Variants in IKZF3 observed in about 807,000 individuals in gnomAD.
IKZF3 encodes zinc finger protein Aiolos.
In IKZF3, 10 loss-of-function variants were observed where a neutral mutation model predicts 49.0. The ratio of observed to expected loss-of-function variants is 0.20; its 90% CI spans 0.13 to 0.35. IKZF3 has a LOEUF of 0.35. Among genes scored for constraint, IKZF3 ranks in the 10% least tolerant of loss-of-function variants. The pLI is 1.00. For synonymous variants in IKZF3, 209 were observed against 228.2 expected (o/e 0.92, Z 0.76); for missense variants, 498 against 664.8 (o/e 0.75, Z 2.76).
intron 3 of IKZF3, among the ~76,000 whole-genome samples, chr17:39,793,981 A>C (rs1209038687): frequency 6.6e-6 from 1 of 152,254 alleles, no homozygotes; most frequent in Non-Finnish European, 1.5e-5. Flanking sequence ...TTGCATATAT[A>C]AAATATGCTA....
intron 4 of IKZF3, 52 bp from the exon 5 acceptor site, chr17:39,791,635 A>T: frequency 6.4e-7 from 1 of 1,561,764 alleles, no homozygotes; most frequent in South Asian, 1.1e-5. Context: ...GTGGAGAAAC[A>T]TATGCACAGA....
chr17:39,836,120 C>A, intron 1 of IKZF3: 1 of 657,922 alleles, frequency 1.5e-6, no homozygotes, highest in South Asian at 1.6e-5. Context: ...TTAATCTGCT[C>A]CTTCTCCTGA....
At chr17:39,825,536 ATGGTCTCTGGTTGAC>A (rs2061933666) in intron 3 of IKZF3, among the ~76,000 whole-genome samples, 1 of 152,110 alleles carries the variant, frequency 6.6e-6, no homozygotes, top group African/African-American at 2.4e-5. Context: ...AAGCATAGAG[ATGGTCTCTGGTTGAC>A]TGGTATCTGG....
At chr17:39,807,400 TC>T (rs765178458) in intron 3 of IKZF3, among the ~76,000 whole-genome samples, 1 of 149,736 alleles carries the variant, frequency 6.7e-6, no homozygotes, top group Non-Finnish European at 1.5e-5. Flanking sequence ...ACAATGATAT[TC>T]TTTTTTTTTT....
At chr17:39,778,074 T>C (rs866674679) in intron 6 of IKZF3, 61 of 1,033,564 alleles carry the variant, frequency 5.9e-5, no homozygotes, top group Middle Eastern at 9.0e-4. Context: ...AAAAGATAGA[T>C]AGATGGAGAT....
chr17:39,774,198 AG>A (rs1251083354), intron 7 of IKZF3, among the ~76,000 whole-genome samples: 1 of 152,056 alleles, frequency 6.6e-6, no homozygotes, highest in African/African-American at 2.4e-5. Context: ...ACAGTTCAAG[AG>A]GTCAGGGAAG....
intron 1 of IKZF3, among the ~76,000 whole-genome samples, chr17:39,841,053 T>C (rs1279064425): frequency 6.6e-6 from 1 of 152,102 alleles, no homozygotes; most frequent in Non-Finnish European, 1.5e-5. Flanking sequence ...GGCATGAGCC[T>C]GTAGTCCCAG....
chr17:39,841,710 G>A (rs1273687935), intron 1 of IKZF3, among the ~76,000 whole-genome samples: 1 of 152,096 alleles, frequency 6.6e-6, no homozygotes, highest in Non-Finnish European at 1.5e-5. Context: ...GTCCTGTATT[G>A]GAAGTGGATG....
intron 3 of IKZF3, among the ~76,000 whole-genome samples, chr17:39,825,738 C>G (rs2061939384): frequency 6.6e-6 from 1 of 152,034 alleles, no homozygotes; most frequent in Non-Finnish European, 1.5e-5. Context: ...TGAAATTGCT[C>G]TTATGATTGA....
intron 1 of IKZF3, among the ~76,000 whole-genome samples, chr17:39,844,496 C>T (rs2062571069): frequency 6.6e-6 from 1 of 152,190 alleles, no homozygotes; most frequent in Admixed American, 6.5e-5. Context: ...CCTATTCAAA[C>T]AAGGTTTACC....
intron 3 of IKZF3, among the ~76,000 whole-genome samples, chr17:39,818,726 C>A (rs2061734330): frequency 6.6e-6 from 1 of 151,988 alleles, no homozygotes; most frequent in Non-Finnish European, 1.5e-5. Flanking sequence ...GGCATGATGG[C>A]ACATGCCTGT....
intron 3 of IKZF3, among the ~76,000 whole-genome samples, chr17:39,813,970 A>G (rs546793127): frequency 7.2e-5 from 11 of 152,302 alleles, no homozygotes; most frequent in Admixed American, 7.2e-4. Context: ...CGCTCCAGCC[A>G]CCCTTCTTCA....
intron 3 of IKZF3, among the ~76,000 whole-genome samples, chr17:39,803,248 T>C (rs1598057037): frequency 6.6e-6 from 1 of 152,226 alleles, no homozygotes; most frequent in Admixed American, 6.5e-5. Flanking sequence ...GTATATTGTT[T>C]CATTTCTGCC....
intron 2 of IKZF3, among the ~76,000 whole-genome samples, chr17:39,831,678 A>C (rs899075036): frequency 2.6e-5 from 4 of 152,232 alleles, no homozygotes; most frequent in Admixed American, 2.6e-4. Flanking sequence ...ACAAAAAATA[A>C]TACGTGACAG....
chr17:39,862,148 T>C (rs2063230426), intron 1 of IKZF3, among the ~76,000 whole-genome samples: 1 of 152,192 alleles, frequency 6.6e-6, no homozygotes, highest in African/African-American at 2.4e-5. Flanking sequence ...CTGATTTTAG[T>C]ATATTCATTA....
intron 3 of IKZF3, among the ~76,000 whole-genome samples, chr17:39,801,082 G>A (rs1452961013): frequency 2.0e-5 from 3 of 152,162 alleles, no homozygotes; most frequent in Admixed American, 2.0e-4. Context: ...AAAGTTGGAA[G>A]TAATATCCTC....
intron 3 of IKZF3, among the ~76,000 whole-genome samples, chr17:39,822,819 T>C (rs1162776387): frequency 1.3e-5 from 2 of 152,072 alleles, no homozygotes; most frequent in Non-Finnish European, 2.9e-5. Flanking sequence ...CCTGACCTCA[T>C]GATCTGCCTG....
intron 1 of IKZF3, among the ~76,000 whole-genome samples, chr17:39,849,726 C>T (rs962499633): frequency 6.6e-6 from 1 of 151,934 alleles, no homozygotes; most frequent in African/African-American, 2.4e-5. Flanking sequence ...GAAAGAGGAT[C>T]CAAAATGGCC....
At chr17:39,796,021 G>A (rs1172585168) in intron 3 of IKZF3, among the ~76,000 whole-genome samples, 2 of 151,802 alleles carry the variant, frequency 1.3e-5, no homozygotes, top group East Asian at 3.9e-4. Flanking sequence ...CAGCCTGGGC[G>A]ACAGAGCGAG....
Sources: allele counts gnomAD v4.1 joint callset (sites outside exome capture counted in the v4.1 genomes callset), GRCh38; gene constraint gnomAD v4.1.1; transcripts MANE v1.5; gene names NCBI Gene and HGNC (gene_info 2026-07-23, HGNC 2026-07-21).